Variants in STAB2 observed in about 807,000 individuals in gnomAD.
STAB2 encodes stabilin 2.
Under a neutral mutation model 338.1 loss-of-function variants are expected in STAB2, and 288 were observed. That is an observed-to-expected ratio of 0.85 (90% CI 0.77 to 0.94). The LOEUF is 0.94. Ranked by LOEUF, STAB2 falls within the 40% of genes least tolerant of loss-of-function variation. The probability of loss-of-function intolerance (pLI) is 0.00; values close to 1 mark genes in which losing one functional copy is unlikely to be tolerated. For synonymous variants in STAB2, 1,202 were observed against 1,193.3 expected (o/e 1.01, Z -0.15); for missense variants, 3,141 against 3,210.1 (o/e 0.98, Z 0.52).
chr12:103,742,094 T>C (rs1224203684), intron 55 of STAB2, among the ~76,000 whole-genome samples: 1 of 152,182 alleles, frequency 6.6e-6, no homozygotes, highest in Non-Finnish European at 1.5e-5. Context: ...ATTATTATCA[T>C]CATCATTTAG....
intron 59 of STAB2, 94 bp downstream of exon 59, chr12:103,749,250 A>C (rs1883364359): frequency 6.8e-6 from 9 of 1,316,732 alleles, no homozygotes; most frequent in Admixed American, 2.8e-5. Context: ...TATCTCCTGG[A>C]CTCTTCCTAA....
intron 44 of STAB2, among the ~76,000 whole-genome samples, chr12:103,722,035 C>A (rs1880808569): frequency 6.6e-6 from 1 of 152,110 alleles, no homozygotes; most frequent in Admixed American, 6.5e-5. Context: ...GGTAGCCATT[C>A]AAGTGAAGAT....
At chr12:103,736,548 G>A (rs1313570986) in intron 52 of STAB2, among the ~76,000 whole-genome samples, 1 of 152,082 alleles carries the variant, frequency 6.6e-6, no homozygotes, top group Non-Finnish European at 1.5e-5. Flanking sequence ...GACCAAAATA[G>A]ACAACTATCA....
chr12:103,609,358 T>C (rs1487033003), intron 3 of STAB2, among the ~76,000 whole-genome samples: 1 of 152,206 alleles, frequency 6.6e-6, no homozygotes, highest in Non-Finnish European at 1.5e-5. Context: ...CCTCTTTTAT[T>C]TCATTGAGCA....
rs2139030960 is a variant in STAB2, at chr12:103,718,448, GA to G, written c.4683+608del. Among the ~76,000 whole-genome samples, 2 of 152,200 alleles carry G rather than the reference GA, an allele frequency of 1.3e-5. 1 individual carries two copies. The highest frequency in any genetic ancestry group is 4.2e-4 in the South Asian group (2 of 4,810). ...TGCATTGAGCAGGGGTTCATATGGG[GA>G]TAGAAGCACTGTGTCTCCTATGTCC... On this transcript the variant is annotated intron_variant, in intron 44 of 68. Transcript: ENST00000388887.
At chr12:103,759,331 G>A in intron 65 of STAB2, 58 bp downstream of exon 65, 3 of 1,595,136 alleles carry the variant, frequency 1.9e-6, no homozygotes, top group Non-Finnish European at 2.6e-6. Context: ...AAAGTTCCTG[G>A]CATACAGTAG....
chr12:103,715,579 G>A (rs1490201006), intron 42 of STAB2, among the ~76,000 whole-genome samples: 4 of 152,158 alleles, frequency 2.6e-5, no homozygotes, highest in Non-Finnish European at 4.4e-5. Flanking sequence ...ACTGATTTAA[G>A]CCAGTAGACA....
At chr12:103,587,966 T>C (rs1380631693) in intron 1 of STAB2, among the ~76,000 whole-genome samples, 1 of 152,198 alleles carries the variant, frequency 6.6e-6, no homozygotes, top group Non-Finnish European at 1.5e-5. Flanking sequence ...GGAACACAAG[T>C]ATCAGAAATA....
intron 1 of STAB2, among the ~76,000 whole-genome samples, chr12:103,588,110 C>T (rs17034144): frequency 6.6e-6 from 1 of 152,106 alleles, no homozygotes; most frequent in Non-Finnish European, 1.5e-5. Flanking sequence ...GCAAGCTCAC[C>T]GAGGTGTCAT....
At position 103,748,904 on chromosome 12, in the gene STAB2, C is replaced by T. The variant is rs968603769; in HGVS notation, c.6245-59C>T. 3.2e-6 allele frequency: 5 copies of T among 1,560,240 alleles called. No homozygotes were observed. The African/African-American group carries it at 6.8e-5, about 21-fold the overall frequency. On this transcript the variant is annotated intron_variant, in intron 58 of 68. Coordinates refer to ENST00000388887, the MANE Select transcript of STAB2 (RefSeq NM_017564.10). ...GTGCTGTGGTGCCCCATACCCTGAC[C>T]TGAAGCCCTAGTTCCACAGAAGGTG... is the stretch of plus-strand genomic sequence containing the variant.
chr12:103,616,109 A>G (rs901413411), intron 3 of STAB2, among the ~76,000 whole-genome samples: 3 of 152,208 alleles, frequency 2.0e-5, no homozygotes, highest in Non-Finnish European at 2.9e-5. Context: ...AAAGAAAGGT[A>G]TATTAACTGT....
rs556368173 is a variant in STAB2 at position 103,658,527 on chromosome 12, G to A, written c.1735-1804G>A. 3.0e-3 allele frequency among the ~76,000 whole-genome samples: 456 copies of A among 152,246 alleles called. 4 individuals carry two copies. The highest frequency in any genetic ancestry group is 2.9e-3 in the Non-Finnish European group (200 of 68,030). On this transcript the variant is annotated intron_variant, in intron 15 of 68. Coordinates refer to ENST00000388887, the MANE Select transcript of STAB2 (RefSeq NM_017564.10). ...AATTAATTCCTGAGGCTTTGAAAGTGGATTATCTCATTGCTAAATGCTTTC... is the reference window on the plus strand; with the variant it reads ...AATTAATTCCTGAGGCTTTGAAAGTAGATTATCTCATTGCTAAATGCTTTC...
intron 3 of STAB2, among the ~76,000 whole-genome samples, chr12:103,608,573 A>C (rs1413849522): frequency 1.3e-5 from 2 of 152,126 alleles, no homozygotes; most frequent in Non-Finnish European, 2.9e-5. Flanking sequence ...TTCTTTGTAG[A>C]TTCTGGATAT....
intron 26 of STAB2, 130 bp from the exon 27 acceptor site, chr12:103,684,859 G>A: frequency 1.4e-6 from 1 of 722,800 alleles, no homozygotes; most frequent in Admixed American, 2.2e-5. Flanking sequence ...AGGGTCTATG[G>A]GTTACTTCTA....
chr12:103,636,471 A>G (rs939464342), intron 6 of STAB2, among the ~76,000 whole-genome samples: 3 of 151,814 alleles, frequency 2.0e-5, no homozygotes, highest in African/African-American at 7.3e-5. Flanking sequence ...TAAAAAAAAT[A>G]GGTACCCTAA....
chr12:103,670,870 GGGTGCT>G, intron 22 of STAB2, 63 bp downstream of exon 22: 21 of 1,391,832 alleles, frequency 1.5e-5, no homozygotes, highest in Non-Finnish European at 2.1e-5. Context: ...TGCTGCAGCA[GGGTGCT>G]GGTGCAGGGC....
At position 103,755,729 on chromosome 12, in the gene STAB2, T is replaced by C; in HGVS notation, c.6987+11T>C. ...ACAAACTTCCTGACGGTATGTACCA[T>C]GTCTGCTTGGTTTGCCTCAGGCAGG... On this transcript the variant is annotated intron_variant, in intron 63 of 68. Coordinates refer to ENST00000388887, the MANE Select transcript of STAB2 (RefSeq NM_017564.10). 6.2e-7 allele frequency: 1 copy of C among 1,613,682 alleles called. No homozygotes were observed. The highest frequency in any genetic ancestry group is 8.5e-7 in the Non-Finnish European group (1 of 1,179,710).
chr12:103,603,048 G>C (rs916078490), intron 3 of STAB2, among the ~76,000 whole-genome samples: 8 of 151,916 alleles, frequency 5.3e-5, no homozygotes, highest in Non-Finnish European at 8.8e-5. Context: ...TCCATTCCAA[G>C]TTAATTCTTT....
At chr12:103,765,387 C>T (rs561696373) in intron 68 of STAB2, among the ~76,000 whole-genome samples, 3 of 152,332 alleles carry the variant, frequency 2.0e-5, no homozygotes, top group African/African-American at 7.2e-5. Flanking sequence ...AAGGTACCAG[C>T]TTACAAAGTG....
Sources: allele counts gnomAD v4.1 joint callset (sites outside exome capture counted in the v4.1 genomes callset), GRCh38; gene constraint gnomAD v4.1.1; transcripts MANE v1.5; gene names NCBI Gene and HGNC (gene_info 2026-07-23, HGNC 2026-07-21).